ARID1B: variants seen among roughly 807,000 people sequenced by gnomAD.
ARID1B encodes the protein AT-rich interaction domain 1B, also known as AT-rich interactive domain-containing protein 1B.
A neutral mutation model predicts 212.3 loss-of-function variants in ARID1B; 30 were observed. That is an observed-to-expected ratio of 0.14 (90% CI 0.11 to 0.19). ARID1B has a LOEUF of 0.19. Ranked by LOEUF, ARID1B falls within the 10% of genes least tolerant of loss-of-function variation. ARID1B has a pLI of 1.00. For synonymous variants in ARID1B, 1,402 were observed against 1,301.7 expected (o/e 1.08, Z -1.66); for missense variants, 2,891 against 3,204.0 (o/e 0.90, Z 2.36).
At chr6:157,059,793 A>G (rs1470269584) in intron 4 of ARID1B, among the ~76,000 whole-genome samples, 2 of 152,200 alleles carry the variant, frequency 1.3e-5, no homozygotes, top group Non-Finnish European at 2.9e-5. Context: ...AATATGAGTG[A>G]TTATGCTTTT....
intron 7 of ARID1B, among the ~76,000 whole-genome samples, chr6:157,136,421 CG>C (rs1788912666): frequency 6.6e-6 from 1 of 152,138 alleles, no homozygotes; most frequent in Non-Finnish European, 1.5e-5. Flanking sequence ...GGGCCTCTCG[CG>C]TGGTCATTGG....
At chr6:157,047,620 T>C (rs1782324406) in intron 4 of ARID1B, among the ~76,000 whole-genome samples, 1 of 152,214 alleles carries the variant, frequency 6.6e-6, no homozygotes, top group Admixed American at 6.5e-5. Context: ...CTGTTCATTT[T>C]TGTAAAAAGA....
In ARID1B at chr6:157,148,192, G is replaced by T. The variant is rs1789939192; in HGVS notation, c.2762-432G>T. 6.6e-6 allele frequency among the ~76,000 whole-genome samples: 1 copy of T among 152,070 alleles called. No homozygotes were observed. The highest frequency in any genetic ancestry group is 1.5e-5 in the Non-Finnish European group (1 of 68,020). On this transcript the variant is annotated intron_variant, in intron 7 of 19. Coordinates refer to ENST00000636930, the MANE Select transcript of ARID1B (RefSeq NM_001374828.1). The surrounding 1 kb of genome is among the most constrained non-coding windows in gnomAD (Gnocchi z 5.6). Reference sequence around the variant, plus strand: ...GTCGTCTTACACGTTGTCTTTTTGAGCCCTTTCACATGACTGTTGAAGGTA... The same window carrying T: ...GTCGTCTTACACGTTGTCTTTTTGATCCCTTTCACATGACTGTTGAAGGTA...
intron 5 of ARID1B, among the ~76,000 whole-genome samples, chr6:157,090,528 A>T (rs1437361577): frequency 6.6e-6 from 1 of 152,234 alleles, no homozygotes; most frequent in Non-Finnish European, 1.5e-5. Flanking sequence ...GCTAGCACAT[A>T]ATGAGTAGCT....
chr6:157,091,385 A>C (rs1201382726), intron 5 of ARID1B, among the ~76,000 whole-genome samples: 1 of 152,208 alleles, frequency 6.6e-6, no homozygotes, highest in African/African-American at 2.4e-5. Context: ...CCCACCCTTC[A>C]GCAAGTGAGA....
intron 8 of ARID1B, among the ~76,000 whole-genome samples, chr6:157,163,998 A>G (rs1238820059): frequency 6.6e-6 from 1 of 152,252 alleles, no homozygotes; most frequent in Non-Finnish European, 1.5e-5. Flanking sequence ...TTATTAATAT[A>G]TGAGCATAAT....
chr6:156,932,440 T>C (rs779333009), intron 3 of ARID1B, among the ~76,000 whole-genome samples: 8 of 151,668 alleles, frequency 5.3e-5, no homozygotes, highest in Non-Finnish European at 7.4e-5. Context: ...ATAAATGTAA[T>C]TATTTATATG....
intron 4 of ARID1B, among the ~76,000 whole-genome samples, chr6:157,012,810 C>T (rs768055709): frequency 3.3e-5 from 5 of 152,134 alleles, no homozygotes; most frequent in African/African-American, 9.7e-5. Flanking sequence ...AACAAATGTG[C>T]GCAAATAATA....
At chr6:157,186,805 G>C (rs144440408) in intron 13 of ARID1B, among the ~76,000 whole-genome samples, 5,392 of 152,188 alleles carry the variant, frequency 0.035, 300 homozygotes, top group African/African-American at 0.12. Flanking sequence ...TCACCCAATG[G>C]TTGCTCTGAA....
At chr6:157,023,775 G>A (rs1356017991) in intron 4 of ARID1B, 2 of 152,102 alleles carry the variant, frequency 1.3e-5, no homozygotes, top group African/African-American at 4.8e-5. Context: ...CCAAGTTTAC[G>A]GCAAATTTTG....
At chr6:157,123,320 G>C (rs1787905795) in intron 6 of ARID1B, among the ~76,000 whole-genome samples, 1 of 142,718 alleles carries the variant, frequency 7.0e-6, no homozygotes, top group Non-Finnish European at 1.5e-5. Flanking sequence ...AGGCCGCCCA[G>C]AGCTAATCAG....
rs762617219 is a variant in ARID1B, at chr6:156,778,271, GCAGCAGCAGCAGCAGCAGCAA to G, written c.612_632del (p.Gln208_Gln214del). 227 of 1,478,090 alleles carry G rather than the reference GCAGCAGCAGCAGCAGCAGCAA, an allele frequency of 1.5e-4. No individual in the cohort carries two copies. The highest frequency in any genetic ancestry group is 3.6e-4 in the East Asian group (14 of 38,960). 91.6% of individuals were successfully genotyped at this position (1,478,090 alleles called of 1,614,324 possible). On this transcript the variant is annotated inframe_deletion, in exon 1 of 20. Transcript: ENST00000636930. ...TACAGCAGCAGCTAAACCAGTTCCA[GCAGCAGCAGCAGCAGCAGCAA>G]CAGCAGCAGCAGCAGCAGCAGCAAC... is the stretch of plus-strand genomic sequence containing the variant.
At chr6:156,897,221 T>G (rs7749173) in intron 2 of ARID1B, among the ~76,000 whole-genome samples, 9,133 of 76,536 alleles carry the variant, frequency 0.12, 357 homozygotes, top group Middle Eastern at 0.16. Flanking sequence ...TGCTGCTGCT[T>G]CTTCTTCTTC....
intron 4 of ARID1B, among the ~76,000 whole-genome samples, chr6:156,977,677 T>C (rs2128365513): frequency 1.2e-5 from 1 of 82,614 alleles, no homozygotes; most frequent in Middle Eastern, 5.2e-3. Context: ...ATTTGGGGTC[T>C]TTTGTTTTTG....
At chr6:156,869,630 C>G (rs1460547130) in intron 2 of ARID1B, among the ~76,000 whole-genome samples, 1 of 152,168 alleles carries the variant, frequency 6.6e-6, no homozygotes. Flanking sequence ...TGCTTTTCTT[C>G]ACCCTTTTAG....
intron 5 of ARID1B, among the ~76,000 whole-genome samples, chr6:157,110,096 C>G (rs546736250): frequency 8.5e-5 from 13 of 152,282 alleles, no homozygotes; most frequent in African/African-American, 2.9e-4. Flanking sequence ...TTGTTGGCCA[C>G]TCTGCATGCC....
At position 157,148,621 on chromosome 6, in the gene ARID1B, T is replaced by C. The variant is rs1221611126; in HGVS notation, c.2762-3T>C. 9 of 1,574,414 alleles carry C rather than the reference T, an allele frequency of 5.7e-6. No homozygotes were observed. Among genetic ancestry groups the C allele is most frequent in the Non-Finnish European group, 7.8e-6 (9 of 1,153,796 alleles). On this transcript the variant is annotated splice_region_variant and splice_polypyrimidine_tract_variant and intron_variant, in intron 7 of 19. Transcript: ENST00000636930. The surrounding 1 kb of genome is among the most constrained non-coding windows in gnomAD (Gnocchi z 5.6). ...CTTTACTTTGTGTTTGCTTTTTGTT[T>C]AGGTAACTACTCCAGACCCCCAGCG...
intron 2 of ARID1B, among the ~76,000 whole-genome samples, chr6:156,883,975 A>G (rs1454391935): frequency 1.3e-5 from 2 of 152,216 alleles, no homozygotes; most frequent in African/African-American, 4.8e-5. Flanking sequence ...CTGATAAAGT[A>G]TCACTTGGAA....
rs1360628184 is a variant in ARID1B, at chr6:157,190,513, A to G, written c.4231+303A>G. ...ACGTTCCTCATCTAGAAATTGGGAAAATAATAGGACCCGCTTCCAAAGGCA... is the reference window on the plus strand; with the variant it reads ...ACGTTCCTCATCTAGAAATTGGGAAGATAATAGGACCCGCTTCCAAAGGCA... On this transcript the variant is annotated intron_variant, in intron 15 of 19. Transcript: ENST00000636930. This position sits in a 1 kb window ranked among gnomAD's most constrained non-coding sequence, Gnocchi z 4.6. 6.6e-6 allele frequency among the ~76,000 whole-genome samples: 1 copy of G among 152,192 alleles called. No individual in the cohort carries two copies. The highest frequency in any genetic ancestry group is 1.5e-5 in the Non-Finnish European group (1 of 68,034).
Sources: gnomAD v4.1 joint callset for allele counts (sites outside exome capture counted in the v4.1 genomes callset) on GRCh38, gnomAD v4.1.1 for gene constraint, Gnocchi (gnomAD v3.1) non-coding constraint, MANE v1.5 for transcripts, NCBI Gene and HGNC (gene_info 2026-07-23, HGNC 2026-07-21) for gene names.